Variants in PNISR observed in about 807,000 individuals in gnomAD.
PNISR encodes the protein arginine/serine-rich protein PNISR.
PNISR carries 20 observed loss-of-function variants against 93.4 expected under a neutral mutation model. That is an observed-to-expected ratio of 0.21 (90% CI 0.15 to 0.31). PNISR has a LOEUF of 0.31. PNISR is among the 10% of genes least tolerant of loss of function. PNISR has a pLI of 1.00. For missense variants in PNISR, 893 were observed against 985.4 expected (o/e 0.91, Z 1.25); for synonymous variants, 305 against 306.5 (o/e 0.99, Z 0.05).
intron 1 of PNISR, among the ~76,000 whole-genome samples, chr6:99,424,280 G>A (rs962416973): frequency 6.6e-6 from 1 of 152,142 alleles, no homozygotes; most frequent in Middle Eastern, 3.2e-3. Flanking sequence ...ATCATTATTG[G>A]TTCATTAGTT....
At chr6:99,412,985 C>G (rs529396767) in intron 3 of PNISR, among the ~76,000 whole-genome samples, 1 of 152,190 alleles carries the variant, frequency 6.6e-6, no homozygotes, top group East Asian at 1.9e-4. Context: ...CTTACACTTT[C>G]AGGAAAGAAC....
chr6:99,403,777 G>A (rs1445813641), intron 10 of PNISR, 52 bp downstream of exon 10: 6 of 1,273,376 alleles, frequency 4.7e-6, no homozygotes, highest in East Asian at 2.3e-5. Flanking sequence ...GAGAGACAAT[G>A]TATGTGTGAT....
chr6:99,402,743 A>G (rs777785653), intron 10 of PNISR, 33 bp from the exon 11 acceptor site: 1 of 1,487,638 alleles, frequency 6.7e-7, no homozygotes, highest in Admixed American at 2.1e-5. Context: ...ATCATATGAA[A>G]AAAATTATAC....
intron 3 of PNISR, among the ~76,000 whole-genome samples, chr6:99,414,043 G>T (rs1777336983): frequency 6.6e-6 from 1 of 152,104 alleles, no homozygotes; most frequent in South Asian, 2.1e-4. Flanking sequence ...AAAAGAAATA[G>T]CATCAGATCA....
intron 1 of PNISR, among the ~76,000 whole-genome samples, chr6:99,422,807 G>C (rs1255667509): frequency 6.7e-6 from 1 of 149,852 alleles, no homozygotes; most frequent in Non-Finnish European, 1.5e-5. Context: ...CCGGGAGGCA[G>C]GGGTTGCAAT....
chr6:99,407,505 T>G (rs868476058), intron 7 of PNISR, among the ~76,000 whole-genome samples: 1 of 152,116 alleles, frequency 6.6e-6, no homozygotes, highest in East Asian at 1.9e-4. Flanking sequence ...TCTAGTTATT[T>G]TGCTCTTCTT....
At chr6:99,407,382 GCTT>G (rs948308571) in intron 7 of PNISR, among the ~76,000 whole-genome samples, 3 of 150,972 alleles carry the variant, frequency 2.0e-5, no homozygotes, top group African/African-American at 7.3e-5. Flanking sequence ...TCTTTCTGTT[GCTT>G]CTTATTTTTG....
At position 99,412,608 on chromosome 6, in the gene PNISR, G is replaced by C; in HGVS notation, c.220C>G (p.Pro74Ala). 6.2e-7 allele frequency: 1 copy of C among 1,611,228 alleles called. No homozygotes were observed. The change falls in exon 4 of 12, where the codon CCA becomes GCA. Residue 74 changes from proline to alanine, a missense_variant. Pro to Ala is a conservative substitution (Grantham distance 27). Around this residue, in one of 3 missense-constraint regions of PNISR, gnomAD observed 866 missense variants for 935.1 expected, o/e 0.93. Coordinates refer to ENST00000369239, the MANE Select transcript of PNISR (RefSeq NM_032870.4). The part of the protein sequence containing the change: ...GQDMSTMESG[P>A]NNHGNFQGDS... Reference sequence around the variant, plus strand: ...CCTTGGAAATTCCCATGATTGTTTGGACCAGATTCCATTGTAGACATATCT... The same window carrying C: ...CCTTGGAAATTCCCATGATTGTTTGCACCAGATTCCATTGTAGACATATCT...
In PNISR at chr6:99,411,049, TC is replaced by T. The variant is rs546253982; in HGVS notation, c.278-86del. ...ATTTTAAGATCTCAAGAAAGATTTT[TC>T]AGTAAACATACAGATTTAAAAAACA... On this transcript the variant is annotated intron_variant, in intron 4 of 11. Transcript: ENST00000369239. 1.0e-5 allele frequency: 10 copies of T among 986,544 alleles called. No individual in the cohort carries two copies. The South Asian group carries it at 1.5e-4, about 15-fold the overall frequency. The allele number at this position is 986,544 out of a possible 1,614,324, so 61.1% of individuals were successfully genotyped here. A position where few individuals can be genotyped will look rare whatever the true frequency, so the allele number is the denominator to read the frequency against.
chr6:99,401,362 A>G lies in PNISR; in HGVS notation c.1596T>C (p.Ser532=). Residue 532 remains serine (S), a synonymous_variant, in exon 12 of 12, where the codon TCT becomes TCC. Coordinates refer to ENST00000369239, the MANE Select transcript of PNISR (RefSeq NM_032870.4). ...SRTSSTSSTV[S]SSSYSSSSGS... ...CTGAGCTAGAACTGTATGAAGAGCT[A>G]GAGACAGTACTACTAGTACTACTAG... 6.2e-7 allele frequency: 1 copy of G among 1,613,586 alleles called. No individual in the cohort carries two copies. The highest frequency in any genetic ancestry group is 8.5e-7 in the Non-Finnish European group (1 of 1,179,534).
chr6:99,402,546 T>C lies in PNISR; in HGVS notation c.1321A>G (p.Met441Val), dbSNP rs144603009. 1.5e-4 allele frequency: 234 copies of C among 1,610,314 alleles called. No homozygotes were observed. Among genetic ancestry groups the C allele is most frequent in the Non-Finnish European group, 1.9e-4 (223 of 1,177,628 alleles). The change falls in exon 11 of 12, where the codon ATG becomes GTG. Residue 441 changes from methionine to valine, a missense_variant. Met to Val is a conservative substitution (Grantham distance 21). This residue lies in a region of PNISR where 866 missense variants were observed against 935.1 expected (regional missense o/e 0.93). Coordinates refer to ENST00000369239, the MANE Select transcript of PNISR (RefSeq NM_032870.4). ...KEQQLLHDKQMEEEKQQTERV... is the reference protein window; with the variant it reads ...KEQQLLHDKQVEEEKQQTERV... Reference sequence around the variant, plus strand: ...TCTAAAAGGTATACTACACCTTCCATCTGTTTATCATGTAATAGCTGCTGT... The same window carrying C: ...TCTAAAAGGTATACTACACCTTCCACCTGTTTATCATGTAATAGCTGCTGT...
Position 99,404,626 on chromosome 6 carries a change from T to C in PNISR, c.1079A>G (p.Asp360Gly). The C allele has an allele frequency of 6.2e-7, 1 of 1,600,778 alleles. No homozygotes were observed. The highest frequency in any genetic ancestry group is 1.1e-5 in the South Asian group (1 of 90,804). Reference protein sequence around the residue: ...TDEEIYYVAKDAHRKATKAPA... With the variant: ...TDEEIYYVAKGAHRKATKAPA... ...ACCTTTCGTTGCTTTGCGGTGTGCA[T>C]CTTTGGCTACGTAATAAATTTCTTC... is the stretch of plus-strand genomic sequence containing the variant. The change falls in exon 9 of 12, where the codon GAT becomes GGT. Residue 360 changes from aspartate to glycine, a missense_variant. By Grantham distance (94) the Asp-to-Gly change is moderately conservative. Transcript: ENST00000369239.
chr6:99,409,428 T>G (rs1159355107), intron 5 of PNISR, 84 bp from the exon 6 acceptor site: 1 of 1,208,932 alleles, frequency 8.3e-7, no homozygotes, highest in African/African-American at 1.5e-5. Context: ...ACTGGGACAG[T>G]AGAAATCCAT....
In PNISR at chr6:99,406,822, T is replaced by C. The variant is rs557900499; in HGVS notation, c.865-654A>G. Among the ~76,000 whole-genome samples, 6 of 152,170 alleles carry C rather than the reference T, an allele frequency of 3.9e-5. No individual in the cohort carries two copies. The East Asian group carries it at 7.7e-4, about 20-fold the overall frequency. ...GACCCTTTCCTTTGTCAGAGAAGTGTCCCCTAGTCACTTTTAATAATCCCA... is the reference window on the plus strand; with the variant it reads ...GACCCTTTCCTTTGTCAGAGAAGTGCCCCCTAGTCACTTTTAATAATCCCA... On this transcript the variant is annotated intron_variant, in intron 7 of 11. Coordinates refer to ENST00000369239, the MANE Select transcript of PNISR (RefSeq NM_032870.4).
At chr6:99,421,955 TC>T (rs1469462133) in intron 1 of PNISR, among the ~76,000 whole-genome samples, 1 of 150,252 alleles carries the variant, frequency 6.7e-6, no homozygotes, top group East Asian at 2.0e-4. Context: ...AACCTCCACC[TC>T]CCAGGTTCAA....
chr6:99,412,960 A>T (rs1777143390), intron 3 of PNISR, among the ~76,000 whole-genome samples: 1 of 149,406 alleles, frequency 6.7e-6, no homozygotes, highest in Non-Finnish European at 1.5e-5. Context: ...TCAGGCTAAA[A>T]AATAATATAA....
In PNISR at chr6:99,406,157, C is replaced by T. The variant is rs1776137682; in HGVS notation, c.876G>A (p.Glu292=). 1 of 1,607,678 alleles carries T rather than the reference C, an allele frequency of 6.2e-7. No individual in the cohort carries two copies. The highest frequency in any genetic ancestry group is 1.1e-5 in the South Asian group (1 of 90,868). ...LPQRSKFDSD[E]EEEDTENVEA... is the part of the protein sequence containing the mutation. ...CAACATTTTCAGTGTCTTCTTCTTC[C>T]TCATCACTATCCTATAAAAAACAAT... Residue 292 remains glutamate (E), a synonymous_variant, in exon 8 of 12, where the codon GAG becomes GAA. Coordinates refer to ENST00000369239, the MANE Select transcript of PNISR (RefSeq NM_032870.4).
chr6:99,402,463 T>G, intron 11 of PNISR, 77 bp downstream of exon 11: 10 of 1,022,518 alleles, frequency 9.8e-6, no homozygotes, highest in South Asian at 4.0e-5. Flanking sequence ...TTTTATCCTT[T>G]GATATTTTTA....
At position 99,414,620 on chromosome 6, in the gene PNISR, A is replaced by C. The variant is rs1777422203; in HGVS notation, c.40T>G (p.Leu14Val). The change falls in exon 3 of 12, where the codon TTG (leucine) becomes GTG (valine). Residue 14 changes from leucine (L) to valine (V), a missense_variant. Leu to Val is a conservative substitution (Grantham distance 32). Around this residue, in one of 3 missense-constraint regions of PNISR, gnomAD observed 24 missense variants for 32.9 expected, o/e 0.73. Coordinates refer to ENST00000369239, the MANE Select transcript of PNISR (RefSeq NM_032870.4). ...QGGQPWQQWPLNQQQWMQSFQ... is the reference protein window; with the variant it reads ...QGGQPWQQWPVNQQQWMQSFQ... Reference sequence around the variant, plus strand: ...GACTGCATCCATTGTTGCTGGTTCAAGGGCCACTGCTGCCAAGGCTGTCCT... The same window carrying C: ...GACTGCATCCATTGTTGCTGGTTCACGGGCCACTGCTGCCAAGGCTGTCCT... The C allele has an allele frequency of 6.2e-7, 1 of 1,609,276 alleles. No homozygotes were observed. The highest frequency in any genetic ancestry group is 8.5e-7 in the Non-Finnish European group (1 of 1,176,188).
Sources: allele counts gnomAD v4.1 joint callset (sites outside exome capture counted in the v4.1 genomes callset), GRCh38; gene constraint gnomAD v4.1.1; regional missense constraint gnomAD v4.1.1; transcripts MANE v1.5; gene names NCBI Gene and HGNC (gene_info 2026-07-23, HGNC 2026-07-21).